The following ARHGAP45 variants were observed in gnomAD, a reference collection of about 807,000 sequenced individuals.
ARHGAP45 encodes the protein Rho GTPase activating protein 45.
ARHGAP45 carries 56 observed loss-of-function variants against 116.1 expected under a neutral mutation model. That is an observed-to-expected ratio of 0.48 (90% CI 0.39 to 0.60). The LOEUF (loss-of-function observed/expected upper bound fraction) is 0.60, where lower values mean the gene tolerates loss of function less well. Among genes scored for constraint, ARHGAP45 ranks in the 20% least tolerant of loss-of-function variants. The pLI is 0.00. For synonymous variants in ARHGAP45, 866 were observed against 701.7 expected, an observed-to-expected ratio of 1.23 and a Z score of -3.70; for missense variants, 1,622 against 1,601.0, an observed-to-expected ratio of 1.01 and a Z score of -0.22.
chr19:1,079,503 CAA>C (rs35895776), intron 11 of ARHGAP45, among the ~76,000 whole-genome samples, 198 bp from the exon 12 acceptor site: 13 of 112,218 alleles, frequency 1.2e-4, no homozygotes, highest in Admixed American at 9.1e-5. Flanking sequence ...GACTCCATCT[CAA>C]AAAAAAAAAA....
chr19:1,076,545 G>T (rs1288330099), intron 10 of ARHGAP45, among the ~76,000 whole-genome samples: 1 of 130,582 alleles, frequency 7.7e-6, no homozygotes, highest in African/African-American at 3.0e-5. Context: ...TGCCCAGGCT[G>T]CAGTGCAGTG....
chr19:1,076,765 G>A (rs1015211453), intron 10 of ARHGAP45, among the ~76,000 whole-genome samples: 3 of 151,956 alleles, frequency 2.0e-5, no homozygotes, highest in African/African-American at 7.3e-5. Context: ...CCAAAGTGCT[G>A]GAATTATAGG....
chr19:1,066,021 G>A (rs1223333375), upstream of ARHGAP45: 3 of 1,535,208 alleles, frequency 2.0e-6, no homozygotes, highest in Admixed American at 2.0e-5. Context: ...CCAGCCCTCA[G>A]CGCCATGAGT....
rs2043074818 is a variant in ARHGAP45, at chr19:1,068,165, T to C, written c.91-249T>C. 6.6e-6 allele frequency among the ~76,000 whole-genome samples: 1 copy of C among 151,030 alleles called. No individual in the cohort carries two copies. Among genetic ancestry groups the C allele is most frequent in the Non-Finnish European group, 1.5e-5 (1 of 67,730 alleles). Reference sequence around the variant, plus strand: ...GAAGTGGGGACCCCCCTCCCGCGCCTCCCCGCAGGCCCCGCCCCGGCTGTG... The same window carrying C: ...GAAGTGGGGACCCCCCTCCCGCGCCCCCCCGCAGGCCCCGCCCCGGCTGTG... On this transcript the variant is annotated intron_variant, in intron 1 of 22. Coordinates refer to ENST00000313093, the MANE Select transcript of ARHGAP45 (RefSeq NM_012292.5). This position sits in a 1 kb window ranked among gnomAD's most constrained non-coding sequence, Gnocchi z 7.5.
In ARHGAP45 at chr19:1,083,032, G is replaced by A. The variant is rs1260167600; in HGVS notation, c.2710G>A (p.Ala904Thr). Reference sequence around the variant, plus strand: ...GCGGGACCTGCCGCCTGAGAACCGGGCCTCGCTGCAGTACCTGCTGCGTCA... The same window carrying A: ...GCGGGACCTGCCGCCTGAGAACCGGACCTCGCTGCAGTACCTGCTGCGTCA... ...LLRDLPPENR[A>T]SLQYLLRHLR... The change falls in exon 20 of 23, where the codon GCC (alanine) becomes ACC (threonine). Residue 904 changes from alanine to threonine, a missense_variant. Transcript: ENST00000313093. 1.3e-6 allele frequency: 2 copies of A among 1,545,244 alleles called. No homozygotes were observed. The highest frequency in any genetic ancestry group is 1.2e-5 in the South Asian group (1 of 84,986).
rs775375720 is a variant in ARHGAP45, at chr19:1,074,453, TGA to T, written c.993+48_993+49del. 5 of 1,464,456 alleles carry T rather than the reference TGA, an allele frequency of 3.4e-6. No individual in the cohort carries two copies. The East Asian group carries it at 1.2e-4, about 36-fold the overall frequency. The allele number at this position is 1,464,456 out of a possible 1,614,324, so 90.7% of individuals were successfully genotyped here. ...GGGCGGGGGTCCCTGGGCCCGGGTG[TGA>T]GTCTCAGCCCCATTTCAAGGGCCCA... On this transcript the variant is annotated intron_variant, in intron 8 of 22. Transcript: ENST00000313093.
chr19:1,077,026 G>T (rs2043265989), intron 10 of ARHGAP45: 24 of 985,304 alleles, frequency 2.4e-5, no homozygotes, highest in Non-Finnish European at 2.9e-5. Context: ...ATGGCGCCTG[G>T]CGGTCTCCTA....
chr19:1,067,204 G>A lies in ARHGAP45; in HGVS notation c.-202G>A. ...CGCAGGCTGAGGCCGGGAAGGGTCG[G>A]GGGCGAGGCCGCGTCGCCGCCTCCC... On this transcript the variant is annotated 5_prime_UTR_variant, in exon 1 of 23. Transcript: ENST00000313093. 1 of 1,354,234 alleles carries A rather than the reference G, an allele frequency of 7.4e-7. No individual in the cohort carries two copies. Among genetic ancestry groups the A allele is most frequent in the Non-Finnish European group, 9.4e-7 (1 of 1,059,304 alleles). 83.9% of individuals were successfully genotyped at this position (1,354,234 alleles called of 1,614,324 possible). A position where few individuals can be genotyped will look rare whatever the true frequency, so the allele number is the denominator to read the frequency against.
At chr19:1,083,403 G>T in intron 21 of ARHGAP45, 50 bp downstream of exon 21, 1 of 1,465,106 alleles carries the variant, frequency 6.8e-7, no homozygotes, top group Non-Finnish European at 9.2e-7. Context: ...TTGGGGAGCA[G>T]GGGGCGCTGC....
intron 1 of ARHGAP45, 116 bp downstream of exon 1, chr19:1,067,611 C>A (rs977642488): frequency 1.5e-5 from 15 of 1,023,948 alleles, no homozygotes; most frequent in South Asian, 2.7e-5. Context: ...CCAGCTACAG[C>A]CCCTACCGGG....
Position 1,068,328 on chromosome 19 carries a change from C to A in ARHGAP45, c.91-86C>A. 7.9e-7 allele frequency: 1 copy of A among 1,257,944 alleles called. No homozygotes were observed. Among genetic ancestry groups the A allele is most frequent in the Admixed American group, 2.7e-5 (1 of 36,610 alleles). The allele number at this position is 1,257,944 out of a possible 1,614,324, so 77.9% of individuals were successfully genotyped here. On this transcript the variant is annotated intron_variant, in intron 1 of 22. Coordinates refer to ENST00000313093, the MANE Select transcript of ARHGAP45 (RefSeq NM_012292.5). The surrounding 1 kb of genome is among the most constrained non-coding windows in gnomAD (Gnocchi z 7.5). Reference sequence around the variant, plus strand: ...TGGGGTCAGGGTGATGGTGGCCCTCCACAGCCCCACTTCATTTCTGGGGAA... The same window carrying A: ...TGGGGTCAGGGTGATGGTGGCCCTCAACAGCCCCACTTCATTTCTGGGGAA...
At chr19:1,073,481 C>G (rs551966266) in intron 3 of ARHGAP45, 25 bp from the exon 4 acceptor site, 6 of 1,611,168 alleles carry the variant, frequency 3.7e-6, no homozygotes, top group Admixed American at 3.3e-5. Flanking sequence ...GGGCCCACCT[C>G]CTTGTCCTTA....
chr19:1,085,303 C>G (rs2043574569), intron 22 of ARHGAP45, among the ~76,000 whole-genome samples: 1 of 152,064 alleles, frequency 6.6e-6, no homozygotes, highest in Admixed American at 6.6e-5. Context: ...GAGAACAGCC[C>G]AGGAAAGACG....
chr19:1,072,312 G>A (rs760633733), intron 2 of ARHGAP45, among the ~76,000 whole-genome samples: 4 of 152,048 alleles, frequency 2.6e-5, no homozygotes, highest in South Asian at 4.1e-4. Flanking sequence ...TGCCTGCCTC[G>A]GCCTCACCAA....
chr19:1,081,102 G>A lies in ARHGAP45; in HGVS notation c.2190+38G>A, dbSNP rs1209142122. The A allele has an allele frequency of 9.6e-6, 15 of 1,565,326 alleles. 1 individual carries two copies. Among genetic ancestry groups the A allele is most frequent in the South Asian group, 2.4e-5 (2 of 84,570 alleles). ...CCCCGACGGACAGCTGGGAGCCTTC[G>A]GGAGCCTTTGGGGTGCCCAGCACCG... On this transcript the variant is annotated intron_variant, in intron 17 of 22. Transcript: ENST00000313093.
At chr19:1,084,566 C>A (rs140667601) in intron 22 of ARHGAP45, among the ~76,000 whole-genome samples, 1 of 152,222 alleles carries the variant, frequency 6.6e-6, no homozygotes, top group Non-Finnish European at 1.5e-5. Context: ...GTGCCTACCC[C>A]GCACTCAGAA....
At position 1,082,902 on chromosome 19, in the gene ARHGAP45, C is replaced by T; in HGVS notation, c.2580C>T (p.Ser860=). The T allele has an allele frequency of 5.6e-6, 9 of 1,595,178 alleles. No homozygotes were observed. Among genetic ancestry groups the T allele is most frequent in the East Asian group, 2.3e-5 (1 of 44,342 alleles). The change falls in exon 20 of 23, where the codon AGC becomes AGT. Residue 860 remains serine (S), a synonymous_variant. Transcript: ENST00000313093. The part of the protein sequence containing the change: ...YHELVGLAKD[S]LKAEAEAKAA... ...AGCTCGTAGGGCTGGCCAAGGACAG[C>T]CTGAAGGCAGAGGCCGAGGCCAAGG...
At position 1,081,603 on chromosome 19, in the gene ARHGAP45, G is replaced by C; in HGVS notation, c.2244G>C (p.Gly748=). 1 of 1,549,512 alleles carries C rather than the reference G, an allele frequency of 6.5e-7. No individual in the cohort carries two copies. Among genetic ancestry groups the C allele is most frequent in the Non-Finnish European group, 8.7e-7 (1 of 1,146,594 alleles). The change falls in exon 18 of 23, where the codon GGG becomes GGC. Residue 748 remains glycine, a synonymous_variant. Transcript: ENST00000313093. ...KCLETLAIQC[G]HKKLQGRLQL... The stretch of plus-strand genomic sequence containing the variant: ...TGGAGACGCTGGCCATACAGTGCGG[G>C]CACAAGAAGCTGCAAGGCCGCCTGC...
In ARHGAP45 at chr19:1,068,582, C is replaced by A; in HGVS notation, c.259C>A (p.Leu87Met). The A allele has an allele frequency of 6.2e-7, 1 of 1,610,632 alleles. No individual in the cohort carries two copies. The highest frequency in any genetic ancestry group is 8.5e-7 in the Non-Finnish European group (1 of 1,178,846). The stretch of plus-strand genomic sequence containing the variant: ...CCTGTCGGGTGCTGCCTCCTGGACA[C>A]TGGGCCGGAGCCACCGGAGCCCACT... Reference protein sequence around the residue: ...FPLSGAASWTLGRSHRSPLTA... With the variant: ...FPLSGAASWTMGRSHRSPLTA... The change falls in exon 2 of 23, where the codon CTG becomes ATG. Residue 87 changes from leucine to methionine, a missense_variant. Coordinates refer to ENST00000313093, the MANE Select transcript of ARHGAP45 (RefSeq NM_012292.5). This position sits in a 1 kb window ranked among gnomAD's most constrained non-coding sequence, Gnocchi z 7.5.
Sources: allele counts gnomAD v4.1 joint callset (sites outside exome capture counted in the v4.1 genomes callset), GRCh38; gene constraint gnomAD v4.1.1; non-coding constraint Gnocchi (gnomAD v3.1); transcripts MANE v1.5; gene names NCBI Gene and HGNC (gene_info 2026-07-23, HGNC 2026-07-21).